NUP210L: variants seen among roughly 807,000 people sequenced by gnomAD.
The protein encoded by NUP210L is nucleoporin 210 like.
NUP210L carries 74 observed loss-of-function variants against 208.5 expected under a neutral mutation model. That is an observed-to-expected ratio of 0.35 (90% confidence interval 0.29 to 0.43). NUP210L has a LOEUF of 0.43. Among genes scored for constraint, NUP210L ranks in the 20% least tolerant of loss-of-function variants. NUP210L has a pLI of 1.00. For synonymous variants in NUP210L, 780 were observed against 816.9 expected, an observed-to-expected ratio of 0.95 and a Z score of 0.77; for missense variants, 1,843 against 2,289.4, an observed-to-expected ratio of 0.81 and a Z score of 3.98.
At chr1:154,042,513 G>A (rs1054153211) in intron 27 of NUP210L, among the ~76,000 whole-genome samples, 8 of 151,958 alleles carry the variant, frequency 5.3e-5, no homozygotes, top group African/African-American at 1.2e-4. Flanking sequence ...TGCAAGCTCC[G>A]CCTCCTGGGT....
chr1:154,047,137 T>C (rs1489878077), intron 25 of NUP210L, among the ~76,000 whole-genome samples: 3 of 152,036 alleles, frequency 2.0e-5, no homozygotes, highest in Non-Finnish European at 2.9e-5. Context: ...ATGGGGATGA[T>C]TAATGGGCAG....
intron 35 of NUP210L, among the ~76,000 whole-genome samples, chr1:154,006,556 C>T (rs540995255): frequency 9.3e-5 from 14 of 150,576 alleles, no homozygotes; most frequent in African/African-American, 3.2e-4. Flanking sequence ...TGAAGTGGCA[C>T]GATCTCGGCT....
At chr1:154,112,685 G>A (rs1657101536) in intron 12 of NUP210L, among the ~76,000 whole-genome samples, 1 of 151,724 alleles carries the variant, frequency 6.6e-6, no homozygotes, top group African/African-American at 2.4e-5. Flanking sequence ...GGGAGACCCT[G>A]TCTCTAAAAA....
chr1:154,138,795 C>T (rs537497722), intron 5 of NUP210L, among the ~76,000 whole-genome samples: 1 of 152,138 alleles, frequency 6.6e-6, no homozygotes, highest in Middle Eastern at 3.4e-3. Flanking sequence ...AAAAACTATA[C>T]ATGTGAAAAG....
chr1:154,127,557 T>A, intron 8 of NUP210L, 140 bp from the exon 9 acceptor site: 4 of 276,876 alleles, frequency 1.4e-5, no homozygotes, highest in East Asian at 7.1e-5. Context: ...TAGGTTCTTT[T>A]TTTTTTTTTT....
intron 12 of NUP210L, chr1:154,104,577 TC>T (rs1391145061): frequency 1.2e-5 from 2 of 168,220 alleles, no homozygotes; most frequent in Non-Finnish European, 2.5e-5. Flanking sequence ...ATCACTGCAC[TC>T]CCCCAGGTGC....
chr1:154,031,967 C>T (rs1208273282), intron 27 of NUP210L, among the ~76,000 whole-genome samples: 1 of 151,942 alleles, frequency 6.6e-6, no homozygotes, highest in Admixed American at 6.6e-5. Flanking sequence ...TGGGCTCAAG[C>T]CCTCCTCCCA....
chr1:154,007,324 G>C (rs1488995544), intron 35 of NUP210L, among the ~76,000 whole-genome samples: 2 of 149,378 alleles, frequency 1.3e-5, no homozygotes, highest in East Asian at 4.0e-4. Context: ...GTGCAATGGT[G>C]CCATCTTGGC....
chr1:154,070,572 C>T, intron 16 of NUP210L, 107 bp from the exon 17 acceptor site: 1 of 785,802 alleles, frequency 1.3e-6, no homozygotes, highest in East Asian at 3.0e-5. Context: ...AATATTTTTA[C>T]CTTAAAAATT....
At chr1:154,024,966 C>T (rs1488012465) in intron 30 of NUP210L, among the ~76,000 whole-genome samples, 2 of 118,530 alleles carry the variant, frequency 1.7e-5, no homozygotes, top group East Asian at 5.1e-4. Flanking sequence ...GTCTTGCTGT[C>T]GCCCAGGTTG....
chr1:154,093,593 G>A (rs530093415), intron 15 of NUP210L, among the ~76,000 whole-genome samples: 2 of 152,220 alleles, frequency 1.3e-5, no homozygotes, highest in Non-Finnish European at 2.9e-5. Flanking sequence ...ACTCTAGCCT[G>A]GGCAGCAGTG....
At chr1:154,099,907 A>T (rs1656375604) in intron 14 of NUP210L, 91 bp downstream of exon 14, 1 of 1,268,096 alleles carries the variant, frequency 7.9e-7, no homozygotes, top group Non-Finnish European at 1.1e-6. Context: ...ATTGATCCTT[A>T]GTGGGGACCA....
chr1:154,083,669 T>C lies in NUP210L; in HGVS notation c.2361+5752A>G, dbSNP rs1655473235. ...CCCATACGTTTGGTTACAGAAGTCT[T>C]CTTTTTTCTTCTTCCCTCTCTCATA... On this transcript the variant is annotated intron_variant, in intron 16 of 39. Coordinates refer to ENST00000368559, the Ensembl canonical transcript of NUP210L. Among the ~76,000 whole-genome samples the C allele has an allele frequency of 2.0e-5, 3 of 152,212 alleles. No homozygotes were observed. In the South Asian group the frequency reaches 6.2e-4, roughly 32 times the overall value.
intron 14 of NUP210L, among the ~76,000 whole-genome samples, chr1:154,095,721 G>C (rs1158187457): frequency 1.3e-5 from 2 of 152,064 alleles, no homozygotes; most frequent in East Asian, 3.9e-4. Context: ...TTTTACTAAC[G>C]TATCAAAGAA....
At chr1:154,022,400 G>A (rs1293187804) in intron 31 of NUP210L, 57 bp from the exon 32 acceptor site, 5 of 1,407,816 alleles carry the variant, frequency 3.6e-6, no homozygotes, top group Non-Finnish European at 5.0e-6. Flanking sequence ...TTAGAAAATA[G>A]TTCTGGAGAA....
intron 15 of NUP210L, among the ~76,000 whole-genome samples, chr1:154,090,076 A>T (rs188436558): frequency 1.4e-5 from 2 of 144,850 alleles, no homozygotes; most frequent in East Asian, 4.0e-4. Context: ...GACCCTGTCT[A>T]AAAAAAAAAA....
At chr1:154,081,157 C>A (rs556122356) in intron 16 of NUP210L, among the ~76,000 whole-genome samples, 1 of 150,400 alleles carries the variant, frequency 6.6e-6, no homozygotes, top group Non-Finnish European at 1.5e-5. Flanking sequence ...GTCTGATTAG[C>A]ATAATGAAAT....
At chr1:154,115,722 G>C (rs993376077) in intron 12 of NUP210L, among the ~76,000 whole-genome samples, 5 of 152,100 alleles carry the variant, frequency 3.3e-5, no homozygotes, top group Admixed American at 2.0e-4. Flanking sequence ...TAGGGATCAT[G>C]TGTTATGTAT....
intron 16 of NUP210L, among the ~76,000 whole-genome samples, chr1:154,087,032 A>G (rs1655656292): frequency 6.6e-6 from 1 of 152,006 alleles, no homozygotes. Flanking sequence ...AAAGATACAC[A>G]ACATAGGCCA....
Sources: gnomAD v4.1 joint callset for allele counts (sites outside exome capture counted in the v4.1 genomes callset) on GRCh38, gnomAD v4.1.1 for gene constraint, MANE v1.5 for transcripts, NCBI Gene and HGNC (gene_info 2026-07-23, HGNC 2026-07-21) for gene names.